Variants in DDX50 observed in about 807,000 individuals in gnomAD.
DDX50 encodes DExD-box helicase 50.
In DDX50, 56 loss-of-function variants were observed where a neutral mutation model predicts 94.8. That is an observed-to-expected ratio of 0.59 (90% CI 0.48 to 0.74). The LOEUF (loss-of-function observed/expected upper bound fraction) is 0.74, where lower values mean the gene tolerates loss of function less well. Ranked by LOEUF, DDX50 falls within the 30% of genes least tolerant of loss-of-function variation. The pLI, the probability that DDX50 is intolerant of heterozygous loss-of-function variation, is 0.00. For missense variants in DDX50, 713 were observed against 881.2 expected (o/e 0.81, Z 2.42); for synonymous variants, 264 against 295.4 (o/e 0.89, Z 1.09).
chr10:68,931,982 G>A (rs926427574), intron 8 of DDX50, among the ~76,000 whole-genome samples: 4 of 152,114 alleles, frequency 2.6e-5, no homozygotes, highest in Admixed American at 6.6e-5. Context: ...TCCTTATGAT[G>A]TTAGGTCTCA....
chr10:68,916,679 A>T (rs1482182601), intron 7 of DDX50, among the ~76,000 whole-genome samples: 1 of 152,138 alleles, frequency 6.6e-6, no homozygotes, highest in Non-Finnish European at 1.5e-5. Flanking sequence ...TTATCAGTAG[A>T]AGAAAAACAG....
intron 1 of DDX50, 74 bp downstream of exon 1, chr10:68,901,545 A>T (rs1841287534): frequency 6.9e-7 from 1 of 1,454,262 alleles, no homozygotes; most frequent in Admixed American, 2.2e-5. Flanking sequence ...TCTGTCCCTG[A>T]TGATGGCCTG....
rs576620512 is a variant in DDX50, at chr10:68,934,105, A to G, written c.1240-94A>G. ...TGTTAAAATCATCAAAGTAAGATTT[A>G]AAAACATGCAAAAGGAGCACAGACT... On this transcript the variant is annotated intron_variant, in intron 8 of 14. Coordinates refer to ENST00000373585, the MANE Select transcript of DDX50 (RefSeq NM_024045.2). The surrounding 1 kb of genome is among the most constrained non-coding windows in gnomAD (Gnocchi z 4.0). 378 of 1,272,116 alleles carry G rather than the reference A, an allele frequency of 3.0e-4. 1 individual carries two copies. Among genetic ancestry groups the G allele is most frequent in the Middle Eastern group, 2.9e-4 (1 of 3,482 alleles). 78.8% of individuals were successfully genotyped at this position (1,272,116 alleles called of 1,614,324 possible). A position where few individuals can be genotyped will look rare whatever the true frequency, so the allele number is the denominator to read the frequency against.
chr10:68,919,857 C>G lies in DDX50; in HGVS notation c.1115C>G (p.Ser372Cys). 2 of 1,613,738 alleles carry G rather than the reference C, an allele frequency of 1.2e-6. No homozygotes were observed. Among genetic ancestry groups the G allele is most frequent in the Non-Finnish European group, 1.7e-6 (2 of 1,179,874 alleles). ...VEHLAIQCHW[S>C]QRPAVIGDVL... is the part of the protein sequence containing the mutation. ...CATTTGGCCATCCAGTGTCATTGGTCTCAGAGGCCAGCAGTTATTGGAGAT... is the reference window on the plus strand; with the variant it reads ...CATTTGGCCATCCAGTGTCATTGGTGTCAGAGGCCAGCAGTTATTGGAGAT... The change falls in exon 8 of 15, where the codon TCT (serine) becomes TGT (cysteine). Residue 372 changes from serine (S) to cysteine (C), a missense_variant. Ser to Cys is a moderately radical substitution (Grantham distance 112, BLOSUM62 -1). Around this residue, in one of 2 missense-constraint regions of DDX50, gnomAD observed 428 missense variants for 602.3 expected, o/e 0.71. Coordinates refer to ENST00000373585, the MANE Select transcript of DDX50 (RefSeq NM_024045.2).
chr10:68,939,920 C>T (rs573277976), intron 12 of DDX50, among the ~76,000 whole-genome samples: 9 of 134,156 alleles, frequency 6.7e-5, no homozygotes, highest in Admixed American at 4.3e-4. Flanking sequence ...AGAGAAAGGA[C>T]TACTTACTGC....
chr10:68,907,204 T>C (rs1841480243), intron 2 of DDX50, among the ~76,000 whole-genome samples, 197 bp downstream of exon 2: 1 of 152,192 alleles, frequency 6.6e-6, no homozygotes, highest in East Asian at 1.9e-4. Flanking sequence ...ATGGCCTTTT[T>C]CTTGGGGCGA....
chr10:68,943,960 G>A (rs1319241733), intron 14 of DDX50, among the ~76,000 whole-genome samples: 1 of 152,110 alleles, frequency 6.6e-6, no homozygotes. Context: ...CCAACACTCA[G>A]CTTCAACAAT....
At chr10:68,906,604 T>G in intron 1 of DDX50, 107 bp from the exon 2 acceptor site, 5 of 1,263,418 alleles carry the variant, frequency 4.0e-6, no homozygotes, top group African/African-American at 1.5e-5. Flanking sequence ...GTTTTCAAAG[T>G]AACTGTAGAT....
intron 1 of DDX50, among the ~76,000 whole-genome samples, chr10:68,904,030 G>A (rs1031344262): frequency 1.3e-5 from 2 of 151,106 alleles, no homozygotes; most frequent in African/African-American, 2.4e-5. Flanking sequence ...TGTAATCCCA[G>A]CTACTCGGGA....
Position 68,906,830 on chromosome 10 carries a change from G to A in DDX50, c.207G>A (p.Lys69=), listed in dbSNP as rs762884292. The stretch of plus-strand genomic sequence containing the variant: ...CCAAAAAATCTAAAATGAAAGAGAA[G>A]CTAAATGGAGACACTGAAGAAGGAT... The part of the protein sequence containing the change: ...PKAKKSKMKE[K]LNGDTEEGFN... Residue 69 remains lysine, a synonymous_variant, in exon 2 of 15, where the codon AAG becomes AAA. Transcript: ENST00000373585. 5 of 1,613,704 alleles carry A rather than the reference G, an allele frequency of 3.1e-6. No individual in the cohort carries two copies. In the South Asian group the frequency reaches 4.4e-5, roughly 14 times the overall value.
intron 2 of DDX50, among the ~76,000 whole-genome samples, chr10:68,907,548 T>G (rs1233335169): frequency 6.6e-6 from 1 of 152,056 alleles, no homozygotes; most frequent in Non-Finnish European, 1.5e-5. Context: ...ACTCCTGACC[T>G]CAAAGTGATC....
chr10:68,913,303 G>C, intron 5 of DDX50, 24 bp downstream of exon 5: 2 of 1,604,956 alleles, frequency 1.2e-6, no homozygotes, highest in African/African-American at 1.3e-5. Context: ...TTTGATAGAC[G>C]TGCAAAGGCA....
At position 68,904,358 on chromosome 10, in the gene DDX50, A is replaced by T. The variant is rs146409196; in HGVS notation, c.88-2353A>T. On this transcript the variant is annotated intron_variant, in intron 1 of 14. Coordinates refer to ENST00000373585, the MANE Select transcript of DDX50 (RefSeq NM_024045.2). ...AGTGGTCTGGTATTGAGGTGAGGATAACTTTGGTTCGGACGTGTTGAGATA... is the reference window on the plus strand; with the variant it reads ...AGTGGTCTGGTATTGAGGTGAGGATTACTTTGGTTCGGACGTGTTGAGATA... 6.6e-5 allele frequency among the ~76,000 whole-genome samples: 10 copies of T among 152,236 alleles called. No homozygotes were observed. In the East Asian group the frequency reaches 1.9e-3, roughly 29 times the overall value.
chr10:68,924,678 G>A (rs1331880011), intron 8 of DDX50, among the ~76,000 whole-genome samples: 3 of 151,792 alleles, frequency 2.0e-5, no homozygotes, highest in African/African-American at 7.3e-5. Flanking sequence ...AAAAAAAAAA[G>A]GTCTACTTTC....
At chr10:68,939,473 C>CT (rs1383747017) in intron 12 of DDX50, among the ~76,000 whole-genome samples, 1 of 152,132 alleles carries the variant, frequency 6.6e-6, no homozygotes, top group Non-Finnish European at 1.5e-5. Context: ...AAAATCCAGT[C>CT]TTTATCAGGA....
intron 2 of DDX50, among the ~76,000 whole-genome samples, chr10:68,907,983 G>A (rs771006080): frequency 2.0e-5 from 3 of 152,124 alleles, no homozygotes; most frequent in Non-Finnish European, 2.9e-5. Context: ...GTGCAGAGCT[G>A]TATGAATAAG....
In DDX50 at chr10:68,913,403, G is replaced by T; in HGVS notation, c.770G>T (p.Arg257Leu). ...TSYQSQINHI[R>L]NGIDILVGTP... Reference sequence around the variant, plus strand: ...TCTCTTCTCACAGTTAATCATATTCGAAATGGTATTGACATCTTGGTTGGA... The same window carrying T: ...TCTCTTCTCACAGTTAATCATATTCTAAATGGTATTGACATCTTGGTTGGA... The change falls in exon 6 of 15, where the codon CGA becomes CTA. Residue 257 changes from arginine to leucine, a missense_variant. Physicochemically the swap from Arg to Leu is moderately radical, Grantham distance 102. Transcript: ENST00000373585. 6.2e-7 allele frequency: 1 copy of T among 1,611,240 alleles called. No individual in the cohort carries two copies.
At chr10:68,932,316 GTGGAGCGATTACGGCTCACTGCAACTT>G (rs1462123733) in intron 8 of DDX50, among the ~76,000 whole-genome samples, 1 of 152,230 alleles carries the variant, frequency 6.6e-6, no homozygotes, top group East Asian at 1.9e-4. Context: ...CTAGAGTGCA[GTGGAGCGATTACGGCTCACTGCAACTT>G]TTACCTCCTG....
intron 8 of DDX50, among the ~76,000 whole-genome samples, chr10:68,924,632 A>C (rs530770556): frequency 6.6e-6 from 1 of 151,778 alleles, no homozygotes; most frequent in East Asian, 1.9e-4. Flanking sequence ...AGTGCTTAAA[A>C]ATATAGTCTG....
Sources: allele counts gnomAD v4.1 joint callset (sites outside exome capture counted in the v4.1 genomes callset), GRCh38; gene constraint gnomAD v4.1.1; regional missense constraint gnomAD v4.1.1; non-coding constraint Gnocchi (gnomAD v3.1); transcripts MANE v1.5; gene names NCBI Gene and HGNC (gene_info 2026-07-23, HGNC 2026-07-21).